The following CEP70 variants were observed in gnomAD, a reference collection of about 807,000 sequenced individuals.
The protein encoded by CEP70 is centrosomal protein 70, also known as centrosomal protein of 70 kDa.
In CEP70, 70 loss-of-function variants were observed where a neutral mutation model predicts 90.9. The ratio of observed to expected loss-of-function variants is 0.77; its 90% CI spans 0.64 to 0.94. The LOEUF (loss-of-function observed/expected upper bound fraction) is 0.94, where lower values mean the gene tolerates loss of function less well. Among genes scored for constraint, CEP70 ranks in the 40% least tolerant of loss-of-function variants. The pLI is 0.00. For synonymous variants in CEP70, 220 were observed against 228.3 expected (o/e 0.96, Z 0.33); for missense variants, 648 against 669.0 (o/e 0.97, Z 0.35).
At chr3:138,542,760 C>G (rs2038874907) in intron 6 of CEP70, among the ~76,000 whole-genome samples, 1 of 152,224 alleles carries the variant, frequency 6.6e-6, no homozygotes, top group South Asian at 2.1e-4. Context: ...CCTTTCACTC[C>G]CGCCATTCAG....
rs1299118409 is a variant in CEP70 at position 138,551,150 on chromosome 3, A to G, written c.466-13803T>C. ...CCAGGTAACCTATAAAGGAAAACCT[A>G]TAAGATTAACAGCAGATTTCTCAGC... On this transcript the variant is annotated intron_variant, in intron 6 of 17. Transcript: ENST00000264982. Among the ~76,000 whole-genome samples, 8 of 152,260 alleles carry G rather than the reference A, an allele frequency of 5.3e-5. No homozygotes were observed. In the South Asian group the frequency reaches 6.2e-4, roughly 12 times the overall value.
Position 138,528,051 on chromosome 3 carries a change from T to TTTG in CEP70, c.869+1147_869+1148insCAA, listed in dbSNP as rs201794304. Among the ~76,000 whole-genome samples the TTTG allele has an allele frequency of 3.9e-3, 587 of 150,930 alleles. 3 individuals are homozygous for TTTG. Among genetic ancestry groups the TTTG allele is most frequent in the African/African-American group, 0.014 (564 of 41,064 alleles). On this transcript the variant is annotated intron_variant, in intron 10 of 17. Transcript: ENST00000264982. ...AAGACTGAATCTATTTGAAGTTTTT[T>TTTG]TTTTTTTTTTTGACACAGGGTCTCG...
chr3:138,540,583 A>C (rs185625217), intron 6 of CEP70, among the ~76,000 whole-genome samples: 117 of 152,272 alleles, frequency 7.7e-4, no homozygotes, highest in Non-Finnish European at 1.4e-3. Flanking sequence ...CTATTATTAA[A>C]AAGTCAAAAA....
At chr3:138,526,636 T>C (rs1220953017) in intron 10 of CEP70, among the ~76,000 whole-genome samples, 1 of 152,254 alleles carries the variant, frequency 6.6e-6, no homozygotes, top group East Asian at 1.9e-4. Flanking sequence ...TTTGTAGCTA[T>C]GCTGGATATA....
At chr3:138,505,029 G>A (rs1284555304) in intron 13 of CEP70, among the ~76,000 whole-genome samples, 1 of 152,068 alleles carries the variant, frequency 6.6e-6, no homozygotes, top group Non-Finnish European at 1.5e-5. Flanking sequence ...TTTCAATAAG[G>A]AAACTAACCC....
intron 2 of CEP70, among the ~76,000 whole-genome samples, chr3:138,584,104 C>A (rs1226446383): frequency 6.6e-6 from 1 of 151,840 alleles, no homozygotes; most frequent in Non-Finnish European, 1.5e-5. Flanking sequence ...ACCAATACTG[C>A]AGAAATACAA....
chr3:138,567,922 T>C (rs748535019), intron 6 of CEP70, among the ~76,000 whole-genome samples: 2 of 152,286 alleles, frequency 1.3e-5, no homozygotes, highest in Middle Eastern at 3.4e-3. Flanking sequence ...TTCTCTATAA[T>C]AGAATGAGAT....
At position 138,508,555 on chromosome 3, in the gene CEP70, G is replaced by GA. The variant is rs374098559; in HGVS notation, c.945-12dup. On this transcript the variant is annotated splice_polypyrimidine_tract_variant and intron_variant, in intron 11 of 17. Transcript: ENST00000264982. ...ATAAGCTCCTGTAATCTAAAAGGGG[G>GA]AAAAAAATCAAGATAATACAAAATT... The GA allele has an allele frequency of 3.9e-6, 6 of 1,524,794 alleles. No individual in the cohort carries two copies. The highest frequency in any genetic ancestry group is 2.7e-5 in the African/African-American group (2 of 72,884). 94.5% of individuals were successfully genotyped at this position (1,524,794 alleles called of 1,614,324 possible).
At chr3:138,524,650 G>C (rs371704075) in intron 11 of CEP70, among the ~76,000 whole-genome samples, 1 of 152,092 alleles carries the variant, frequency 6.6e-6, no homozygotes, top group Non-Finnish European at 1.5e-5. Context: ...GCAGCCAAAA[G>C]ACACGTGAAA....
chr3:138,582,428 C>T (rs1011755806), intron 2 of CEP70, among the ~76,000 whole-genome samples: 3 of 150,294 alleles, frequency 2.0e-5, no homozygotes, highest in African/African-American at 4.9e-5. Context: ...GCCAAGATAG[C>T]GCCACTGAAC....
chr3:138,517,326 G>A (rs1449680510), intron 11 of CEP70, among the ~76,000 whole-genome samples: 1 of 152,088 alleles, frequency 6.6e-6, no homozygotes, highest in Non-Finnish European at 1.5e-5. Context: ...AGCCTGGTAG[G>A]TCCAAGCCAA....
In CEP70 at chr3:138,551,557, C is replaced by T. The variant is rs371413990; in HGVS notation, c.466-14210G>A. 3.9e-5 allele frequency among the ~76,000 whole-genome samples: 6 copies of T among 152,070 alleles called. No homozygotes were observed. In the East Asian group the frequency reaches 9.7e-4, roughly 24 times the overall value. On this transcript the variant is annotated intron_variant, in intron 6 of 17. Coordinates refer to ENST00000264982, the MANE Select transcript of CEP70 (RefSeq NM_024491.4). ...GGTCAGGAGTTCAAGATCAGCCTGG[C>T]CAACATAGTGAAACCCCGTCTCTAC...
rs1417373035 is a variant in CEP70 at position 138,591,666 on chromosome 3, T to TAAAA, written c.-6+187_-6+188insTTTT. 2.0e-5 allele frequency among the ~76,000 whole-genome samples: 3 copies of TAAAA among 152,232 alleles called. No individual in the cohort carries two copies. The East Asian group carries it at 5.8e-4, about 29-fold the overall frequency. ...AGAGTTGGTGATCAGCTTTCTGTGT[T>TAAAA]ATCTTAAGTAGGTATTTAACCTCTC... is the stretch of plus-strand genomic sequence containing the variant. On this transcript the variant is annotated intron_variant, in intron 2 of 17. Transcript: ENST00000264982.
chr3:138,506,789 T>C (rs2035024471), intron 12 of CEP70, among the ~76,000 whole-genome samples: 1 of 152,218 alleles, frequency 6.6e-6, no homozygotes. Context: ...CAGCCTAAGA[T>C]GGAGTGCAGT....
intron 17 of CEP70, chr3:138,495,827 G>C: frequency 1.1e-6 from 1 of 939,810 alleles, no homozygotes; most frequent in Non-Finnish European, 1.3e-6. Context: ...ACTCTGGCCT[G>C]GGTGACAGAG....
intron 2 of CEP70, among the ~76,000 whole-genome samples, chr3:138,590,673 T>C (rs1471210370): frequency 2.7e-5 from 4 of 150,384 alleles, no homozygotes; most frequent in Admixed American, 2.6e-4. Context: ...TAGCCGATCC[T>C]GGTGGTGTGT....
chr3:138,550,933 T>C (rs1471432400), intron 6 of CEP70, among the ~76,000 whole-genome samples: 1 of 152,132 alleles, frequency 6.6e-6, no homozygotes, highest in Admixed American at 6.5e-5. Flanking sequence ...AATCTAAAAG[T>C]TTGGAAAACG....
intron 6 of CEP70, among the ~76,000 whole-genome samples, chr3:138,569,841 C>G (rs953947738): frequency 6.6e-6 from 1 of 152,220 alleles, no homozygotes; most frequent in East Asian, 1.9e-4. Context: ...GCACTCCAAC[C>G]TGGGTGACAG....
intron 8 of CEP70, among the ~76,000 whole-genome samples, chr3:138,531,209 C>A (rs1304222859): frequency 2.6e-5 from 4 of 152,156 alleles, no homozygotes; most frequent in Non-Finnish European, 5.9e-5. Context: ...CAACTAAATT[C>A]AATACCACCA....
Sources: gnomAD v4.1 joint callset for allele counts (sites outside exome capture counted in the v4.1 genomes callset) on GRCh38, gnomAD v4.1.1 for gene constraint, MANE v1.5 for transcripts, NCBI Gene and HGNC (gene_info 2026-07-23, HGNC 2026-07-21) for gene names.